RGS5: variants seen among roughly 807,000 people sequenced by gnomAD.
The protein encoded by RGS5 is regulator of G-protein signalling 5.
RGS5 carries 20 observed loss-of-function variants against 18.9 expected under a neutral mutation model. That is an observed-to-expected ratio of 1.06 (90% CI 0.74 to 1.54). The LOEUF (loss-of-function observed/expected upper bound fraction) is 1.54, where lower values mean the gene tolerates loss of function less well. RGS5 is among the 40% of genes most tolerant of loss of function. The pLI is 0.00. For missense variants in RGS5, 201 were observed against 211.8 expected (o/e 0.95, Z 0.32); for synonymous variants, 57 against 76.2 (o/e 0.75, Z 1.31).
intron 1 of RGS5, among the ~76,000 whole-genome samples, chr1:163,174,075 CTAAA>C (rs1011797295): frequency 6.6e-6 from 1 of 152,136 alleles, no homozygotes; most frequent in Non-Finnish European, 1.5e-5. Flanking sequence ...GACTCCATCT[CTAAA>C]TAAATAAATA....
chr1:163,163,577 G>A (rs1330622505), intron 2 of RGS5, among the ~76,000 whole-genome samples: 1 of 152,178 alleles, frequency 6.6e-6, no homozygotes, highest in Non-Finnish European at 1.5e-5. Flanking sequence ...CTATCTACTA[G>A]AGGTCAATAA....
chr1:163,208,877 GAA>G (rs1171667440), intron 1 of RGS5, among the ~76,000 whole-genome samples: 1 of 151,754 alleles, frequency 6.6e-6, no homozygotes, highest in Non-Finnish European at 1.5e-5. Context: ...GTACAAGAAA[GAA>G]GACAAAAAAT....
At chr1:163,263,217 T>C (rs949568182) in intron 2 of RGS5, among the ~76,000 whole-genome samples, 1 of 152,182 alleles carries the variant, frequency 6.6e-6, no homozygotes, top group Non-Finnish European at 1.5e-5. Flanking sequence ...ATGGGCCCAC[T>C]CTATCTAAAC....
intron 3 of RGS5, among the ~76,000 whole-genome samples, chr1:163,158,876 G>A (rs897132657): frequency 7.9e-5 from 12 of 152,142 alleles, no homozygotes; most frequent in East Asian, 1.9e-4. Flanking sequence ...GCCTGGGAGC[G>A]CTACGGGAGA....
intron 1 of RGS5, among the ~76,000 whole-genome samples, chr1:163,180,386 A>G (rs920043118): frequency 2.0e-5 from 3 of 152,164 alleles, no homozygotes; most frequent in African/African-American, 7.2e-5. Context: ...TTCCTATTGC[A>G]GTGCCTTCAG....
At chr1:163,198,435 T>C (rs1046345547) in intron 1 of RGS5, among the ~76,000 whole-genome samples, 6 of 152,112 alleles carry the variant, frequency 3.9e-5, no homozygotes, top group Non-Finnish European at 7.4e-5. Context: ...TATATTATGA[T>C]GATATTTAGA....
chr1:163,188,599 T>C (rs1034200404), intron 1 of RGS5, among the ~76,000 whole-genome samples: 1 of 152,204 alleles, frequency 6.6e-6, no homozygotes, highest in East Asian at 1.9e-4. Flanking sequence ...TAATCACAGA[T>C]GGTAAAACAG....
intron 1 of RGS5, among the ~76,000 whole-genome samples, chr1:163,173,383 T>G (rs1658391598): frequency 6.6e-6 from 1 of 152,128 alleles, no homozygotes. Flanking sequence ...CTGAAAACGG[T>G]TTGAATAATT....
At position 163,268,619 on chromosome 1, in the gene RGS5, CCT is replaced by C. The variant is rs372412271; in HGVS notation, c.-281+37612_-281+37613del. On this transcript the variant is annotated intron_variant, in intron 2 of 5. Transcript: ENST00000618415. ...TCTCACATGCCAAACCAATATTCCC[CCT>C]GTCCTAAATCACCTCAGGACCACCT... 2.7e-4 allele frequency among the ~76,000 whole-genome samples: 41 copies of C among 152,198 alleles called. 1 individual carries two copies. In the South Asian group the frequency reaches 7.7e-3, roughly 29 times the overall value.
intron 1 of RGS5, among the ~76,000 whole-genome samples, chr1:163,190,123 A>G (rs975261765): frequency 6.6e-6 from 1 of 152,150 alleles, no homozygotes; most frequent in Admixed American, 6.5e-5. Flanking sequence ...ATGCTAATTG[A>G]ACACACTAAA....
upstream of RGS5, among the ~76,000 whole-genome samples, chr1:163,205,586 G>A (rs916118793): frequency 1.3e-5 from 2 of 152,064 alleles, no homozygotes; most frequent in Non-Finnish European, 2.9e-5. Context: ...GAGTAGGAGT[G>A]GTACCTAATG....
At chr1:163,236,948 G>C (rs543974357) in intron 2 of RGS5, among the ~76,000 whole-genome samples, 141 of 142,768 alleles carry the variant, frequency 9.9e-4, no homozygotes, top group Non-Finnish European at 1.7e-3. Context: ...GCAGCAGAGT[G>C]AGACTGTGTC....
intron 2 of RGS5, among the ~76,000 whole-genome samples, chr1:163,296,640 G>T (rs1649425011): frequency 6.6e-6 from 1 of 152,058 alleles, no homozygotes; most frequent in Non-Finnish European, 1.5e-5. Flanking sequence ...TAAAAAACTA[G>T]GTTATAGTTT....
chr1:163,270,385 T>TG (rs1648688680), intron 2 of RGS5, among the ~76,000 whole-genome samples: 1 of 148,656 alleles, frequency 6.7e-6, no homozygotes, highest in Admixed American at 6.7e-5. Context: ...CCAGGCCTGT[T>TG]GGTGCACATC....
At chr1:163,148,355 T>A (rs1364804091) in intron 4 of RGS5, among the ~76,000 whole-genome samples, 1 of 152,196 alleles carries the variant, frequency 6.6e-6, no homozygotes, top group Admixed American at 6.5e-5. Flanking sequence ...ACAAGAAAAC[T>A]TGTTCTTTCC....
At chr1:163,287,556 T>C (rs1253018793) in intron 2 of RGS5, among the ~76,000 whole-genome samples, 1 of 152,258 alleles carries the variant, frequency 6.6e-6, no homozygotes, top group Admixed American at 6.5e-5. Flanking sequence ...TGCCATTGGA[T>C]TGTATGTTAC....
At chr1:163,270,085 C>G (rs1310448770) in intron 2 of RGS5, among the ~76,000 whole-genome samples, 2 of 152,148 alleles carry the variant, frequency 1.3e-5, no homozygotes, top group African/African-American at 4.8e-5. Context: ...CAGCCTTGAC[C>G]TCCTTACATA....
chr1:163,320,652 C>G (rs1650170182), intron 1 of RGS5, among the ~76,000 whole-genome samples: 1 of 152,088 alleles, frequency 6.6e-6, no homozygotes, highest in East Asian at 1.9e-4. Flanking sequence ...CTCACTGACT[C>G]TAATATTTTT....
At chr1:163,204,051 TCTTTATATACC>T (rs1472376935), upstream of RGS5, among the ~76,000 whole-genome samples, 2 of 152,192 alleles carry the variant, frequency 1.3e-5, no homozygotes, top group African/African-American at 4.8e-5. Flanking sequence ...AATGACTCCC[TCTTTATATACC>T]CTTTTTAGGC....
Sources: allele counts gnomAD v4.1 joint callset (sites outside exome capture counted in the v4.1 genomes callset), GRCh38; gene constraint gnomAD v4.1.1; transcripts MANE v1.5; gene names NCBI Gene and HGNC (gene_info 2026-07-23, HGNC 2026-07-21).